Variants in LRRC28 observed in about 807,000 individuals in gnomAD.
LRRC28 encodes the protein leucine-rich repeat-containing protein 28.
LRRC28 carries 39 observed loss-of-function variants against 45.7 expected under a neutral mutation model. The ratio of observed to expected loss-of-function variants is 0.85; its 90% CI spans 0.66 to 1.12. LRRC28 has a LOEUF of 1.12. Ranked by LOEUF, LRRC28 falls within the 50% of genes most tolerant of loss-of-function variation. LRRC28 has a pLI of 0.00. For synonymous variants in LRRC28, 206 were observed against 178.8 expected, an observed-to-expected ratio of 1.15 and a Z score of -1.22; for missense variants, 435 against 438.5, an observed-to-expected ratio of 0.99 and a Z score of 0.07.
At chr15:99,253,184 G>C (rs189226502) in intron 1 of LRRC28, among the ~76,000 whole-genome samples, 49 of 151,816 alleles carry the variant, frequency 3.2e-4, no homozygotes, top group Non-Finnish European at 6.6e-4. Flanking sequence ...GCAGTGGTGC[G>C]ATCTCGGTTT....
chr15:99,259,140 T>C, intron 2 of LRRC28: 1 of 1,313,770 alleles, frequency 7.6e-7, no homozygotes, highest in Non-Finnish European at 1.1e-6. Context: ...CTTGCTAAAC[T>C]TCTTAGGTTC....
chr15:99,383,703 C>A (rs1377640992), intron 9 of LRRC28, among the ~76,000 whole-genome samples: 1 of 152,138 alleles, frequency 6.6e-6, no homozygotes, highest in African/African-American at 2.4e-5. Context: ...AGTTTGTATT[C>A]CCCCTTGCAA....
intron 5 of LRRC28, among the ~76,000 whole-genome samples, chr15:99,326,317 G>A (rs1353569366): frequency 6.6e-6 from 1 of 152,152 alleles, no homozygotes; most frequent in Non-Finnish European, 1.5e-5. Flanking sequence ...TCATTTTACA[G>A]CATATTAATC....
intron 5 of LRRC28, among the ~76,000 whole-genome samples, chr15:99,319,707 GAATT>G (rs998698902): frequency 5.9e-5 from 9 of 151,404 alleles, no homozygotes; most frequent in African/African-American, 2.2e-4. Flanking sequence ...TTTCTACTGG[GAATT>G]AATTGGCAAG....
intron 7 of LRRC28, among the ~76,000 whole-genome samples, chr15:99,355,956 G>A (rs955217929): frequency 1.3e-5 from 2 of 152,110 alleles, no homozygotes; most frequent in African/African-American, 4.8e-5. Flanking sequence ...CCCCAGTATC[G>A]GATACCTGAA....
intron 8 of LRRC28, among the ~76,000 whole-genome samples, 163 bp from the exon 9 acceptor site, chr15:99,362,943 A>C (rs1957242591): frequency 6.6e-6 from 1 of 152,234 alleles, no homozygotes; most frequent in Admixed American, 6.5e-5. Context: ...TTTCATTTTC[A>C]AATGTTAGAT....
At chr15:99,349,163 GT>G (rs888325108) in intron 6 of LRRC28, among the ~76,000 whole-genome samples, 1 of 151,658 alleles carries the variant, frequency 6.6e-6, no homozygotes, top group African/African-American at 2.4e-5. Context: ...TGTTCTACTA[GT>G]TTTTTTTGTG....
At chr15:99,307,165 AC>A (rs5814933) in intron 5 of LRRC28, among the ~76,000 whole-genome samples, 14,720 of 152,164 alleles carry the variant, frequency 0.097, 1,013 homozygotes, top group East Asian at 0.33. Flanking sequence ...CTTTTACTAG[AC>A]TTTTGGCAGA....
chr15:99,300,535 A>G (rs1357189479), intron 5 of LRRC28, among the ~76,000 whole-genome samples: 1 of 152,204 alleles, frequency 6.6e-6, no homozygotes, highest in Admixed American at 6.5e-5. Flanking sequence ...TTTTAAAGGT[A>G]TGCACAATTG....
intron 6 of LRRC28, among the ~76,000 whole-genome samples, chr15:99,337,128 C>CTA (rs1159637708): frequency 6.6e-6 from 1 of 152,260 alleles, no homozygotes; most frequent in African/African-American, 2.4e-5. Flanking sequence ...CCCTCCCTCA[C>CTA]TATAGCTCCT....
chr15:99,257,074 C>T (rs2081043955), intron 2 of LRRC28, among the ~76,000 whole-genome samples: 1 of 152,116 alleles, frequency 6.6e-6, no homozygotes, highest in African/African-American at 2.4e-5. Flanking sequence ...GGCATGTTTT[C>T]CTGGAAAAGT....
intron 9 of LRRC28, among the ~76,000 whole-genome samples, chr15:99,375,658 A>G (rs1378847772): frequency 1.3e-5 from 2 of 152,144 alleles, no homozygotes; most frequent in Non-Finnish European, 1.5e-5. Context: ...TTGTAGGACT[A>G]TTCAGGTTGT....
chr15:99,312,872 G>A (rs959950075), intron 5 of LRRC28, among the ~76,000 whole-genome samples: 1 of 152,132 alleles, frequency 6.6e-6, no homozygotes, highest in Non-Finnish European at 1.5e-5. Context: ...TGGAAAAACA[G>A]AGACACAAAA....
At chr15:99,351,247 G>T (rs117083260) in intron 6 of LRRC28, among the ~76,000 whole-genome samples, 184 of 152,248 alleles carry the variant, frequency 1.2e-3, no homozygotes, top group Non-Finnish European at 2.2e-3. Context: ...ACATTCCTGG[G>T]CACATGGGAA....
At chr15:99,259,677 A>G (rs2081135855) in intron 2 of LRRC28, 12 of 1,388,370 alleles carry the variant, frequency 8.6e-6, no homozygotes, top group Admixed American at 8.4e-5. Context: ...TTTGAAATTA[A>G]TCCCAGACAT....
chr15:99,257,484 T>C (rs2081056368), intron 2 of LRRC28: 1 of 364,380 alleles, frequency 2.7e-6, no homozygotes, highest in South Asian at 2.7e-5. Flanking sequence ...TGGGGTAGAC[T>C]TTGTTCAGAG....
chr15:99,297,727 TATA>T (rs1167648088), intron 5 of LRRC28, among the ~76,000 whole-genome samples: 1 of 151,564 alleles, frequency 6.6e-6, no homozygotes, highest in Non-Finnish European at 1.5e-5. Flanking sequence ...AAAATTGTGA[TATA>T]ATAGATAAAA....
intron 5 of LRRC28, among the ~76,000 whole-genome samples, chr15:99,314,081 G>A (rs1349496615): frequency 2.0e-5 from 3 of 152,122 alleles, no homozygotes; most frequent in Non-Finnish European, 2.9e-5. Flanking sequence ...GAGAAACTTC[G>A]CTGAGTTTGT....
At chr15:99,267,163 G>A (rs1412983345) in intron 2 of LRRC28, among the ~76,000 whole-genome samples, 1 of 152,108 alleles carries the variant, frequency 6.6e-6, no homozygotes, top group Non-Finnish European at 1.5e-5. Flanking sequence ...GATTTACAGC[G>A]ATGCATATGT....
Sources: gnomAD v4.1 joint callset for allele counts (sites outside exome capture counted in the v4.1 genomes callset) on GRCh38, gnomAD v4.1.1 for gene constraint, MANE v1.5 for transcripts, NCBI Gene and HGNC (gene_info 2026-07-23, HGNC 2026-07-21) for gene names.